The following VAV3 variants were observed in gnomAD, a reference collection of about 807,000 sequenced individuals.
VAV3 encodes guanine nucleotide exchange factor VAV3.
VAV3 carries 94 observed loss-of-function variants against 131.2 expected under a neutral mutation model. The observed-to-expected ratio is 0.72, with a 90% CI of 0.61 to 0.85. VAV3 has a LOEUF of 0.85. VAV3 is among the 40% of genes least tolerant of loss of function. VAV3 has a pLI of 0.00. For missense variants in VAV3, 939 were observed against 1,002.7 expected (o/e 0.94, Z 0.86); for synonymous variants, 349 against 342.0 (o/e 1.02, Z -0.22).
intron 1 of VAV3, among the ~76,000 whole-genome samples, chr1:107,938,761 C>T (rs979077218): frequency 2.0e-5 from 3 of 152,166 alleles, no homozygotes; most frequent in African/African-American, 7.2e-5. Flanking sequence ...ATTTAATGAG[C>T]ACTTACAGAA....
intron 1 of VAV3, among the ~76,000 whole-genome samples, chr1:107,937,577 T>G (rs1226185971): frequency 6.6e-6 from 1 of 152,234 alleles, no homozygotes; most frequent in Non-Finnish European, 1.5e-5. Flanking sequence ...AGGGAATACC[T>G]ATAACTGCTT....
In VAV3 at chr1:107,847,517, C is replaced by T. The variant is rs545532977; in HGVS notation, c.321+27384G>A. 6.9e-4 allele frequency among the ~76,000 whole-genome samples: 104 copies of T among 151,526 alleles called. 1 individual carries two copies. The highest frequency in any genetic ancestry group is 2.5e-3 in the African/African-American group (102 of 41,364). ...TTTTGAAAAGATTAACAAAATAGAC[C>T]GCTAGCCACACTAATAAAGATGAAA... On this transcript the variant is annotated intron_variant, in intron 2 of 26. Coordinates refer to ENST00000370056, the MANE Select transcript of VAV3 (RefSeq NM_006113.5).
chr1:107,641,615 AC>A (rs1655345943), intron 20 of VAV3, among the ~76,000 whole-genome samples: 4 of 152,298 alleles, frequency 2.6e-5, no homozygotes, highest in Admixed American at 2.6e-4. Context: ...ATGCTCACTT[AC>A]TTTTCACATT....
intron 19 of VAV3, among the ~76,000 whole-genome samples, chr1:107,659,969 C>T (rs928846498): frequency 1.1e-4 from 17 of 152,178 alleles, no homozygotes; most frequent in Non-Finnish European, 2.1e-4. Flanking sequence ...TTATACTTCC[C>T]TTTCCCCCAC....
At chr1:107,608,520 C>T (rs1310977321) in intron 22 of VAV3, among the ~76,000 whole-genome samples, 1 of 152,180 alleles carries the variant, frequency 6.6e-6, no homozygotes, top group East Asian at 1.9e-4. Flanking sequence ...TTCAAATTGT[C>T]TTCAATCAGG....
chr1:107,582,314 C>T (rs985705242), intron 25 of VAV3, among the ~76,000 whole-genome samples: 1 of 152,146 alleles, frequency 6.6e-6, no homozygotes, highest in African/African-American at 2.4e-5. Flanking sequence ...GTTTTAGATG[C>T]CCTGCAAAAT....
intron 1 of VAV3, among the ~76,000 whole-genome samples, chr1:107,901,745 C>T (rs1671862771): frequency 6.6e-6 from 1 of 152,110 alleles, no homozygotes; most frequent in African/African-American, 2.4e-5. Context: ...GAGATAACTA[C>T]TTAAAAACAA....
intron 1 of VAV3, among the ~76,000 whole-genome samples, chr1:107,914,584 G>C (rs1388234043): frequency 2.0e-5 from 3 of 152,230 alleles, no homozygotes; most frequent in Non-Finnish European, 4.4e-5. Flanking sequence ...CAAACGGGAA[G>C]TATCTCTGTT....
At chr1:107,860,469 T>C (rs149509153) in intron 2 of VAV3, among the ~76,000 whole-genome samples, 2 of 150,192 alleles carry the variant, frequency 1.3e-5, no homozygotes, top group East Asian at 3.9e-4. Context: ...AGCTAGTTCA[T>C]GAACTCATTT....
rs553917502 is a variant in VAV3 at position 107,881,589 on chromosome 1, C to T, written c.205-6572G>A. 1.1e-4 allele frequency among the ~76,000 whole-genome samples: 17 copies of T among 152,272 alleles called. No individual in the cohort carries two copies. In the East Asian group the frequency reaches 3.3e-3, roughly 29 times the overall value. On this transcript the variant is annotated intron_variant, in intron 1 of 26. Transcript: ENST00000370056. ...AAGCCATGTGTCTTCAACAACCATGCGTAGCCTCTCTCCCTCTTCAGAAGG... is the reference window on the plus strand; with the variant it reads ...AAGCCATGTGTCTTCAACAACCATGTGTAGCCTCTCTCCCTCTTCAGAAGG...
At chr1:107,911,043 A>G (rs771734383) in intron 1 of VAV3, among the ~76,000 whole-genome samples, 6 of 152,116 alleles carry the variant, frequency 3.9e-5, no homozygotes, top group Non-Finnish European at 7.4e-5. Context: ...ATCTCTCTCT[A>G]TTCAACACCA....
At chr1:107,600,277 G>C (rs1651740708) in intron 24 of VAV3, among the ~76,000 whole-genome samples, 1 of 152,096 alleles carries the variant, frequency 6.6e-6, no homozygotes, top group Admixed American at 6.5e-5. Flanking sequence ...TGCCTCTTCA[G>C]CAATTTTTAT....
At chr1:107,799,584 A>G (rs1039026717) in intron 2 of VAV3, among the ~76,000 whole-genome samples, 8 of 152,150 alleles carry the variant, frequency 5.3e-5, no homozygotes, top group African/African-American at 1.9e-4. Context: ...CTAGATGTAC[A>G]TATTTCCAGA....
intron 22 of VAV3, among the ~76,000 whole-genome samples, chr1:107,604,299 G>C (rs533465245): frequency 6.6e-6 from 1 of 151,946 alleles, no homozygotes; most frequent in East Asian, 1.9e-4. Flanking sequence ...CACATGACAG[G>C]CATTCAGCAA....
At chr1:107,577,923 G>C (rs573587185) in intron 25 of VAV3, among the ~76,000 whole-genome samples, 2 of 152,328 alleles carry the variant, frequency 1.3e-5, no homozygotes, top group African/African-American at 4.8e-5. Context: ...AGCCAAGCAT[G>C]AGGTAAAAGT....
At chr1:107,859,144 T>C (rs1669619954) in intron 2 of VAV3, among the ~76,000 whole-genome samples, 2 of 150,720 alleles carry the variant, frequency 1.3e-5, no homozygotes, top group African/African-American at 4.9e-5. Context: ...TGGAGTAGAG[T>C]GGCACCATCA....
intron 2 of VAV3, among the ~76,000 whole-genome samples, chr1:107,829,598 T>G (rs1312356254): frequency 6.6e-6 from 1 of 152,100 alleles, no homozygotes; most frequent in African/African-American, 2.4e-5. Context: ...ACCACAGTAT[T>G]TTTTTTCTCA....
rs796377286 is a variant in VAV3 at position 107,753,543 on chromosome 1, T to C, written c.1173+1884A>G. ...ATATATATACGTATATATATATATATATATATACACACACACACTTTTTTT... is the reference window on the plus strand; with the variant it reads ...ATATATATACGTATATATATATATACATATATACACACACACACTTTTTTT... On this transcript the variant is annotated intron_variant, in intron 12 of 26. Coordinates refer to ENST00000370056, the MANE Select transcript of VAV3 (RefSeq NM_006113.5). 4.4e-4 allele frequency among the ~76,000 whole-genome samples: 31 copies of C among 71,138 alleles called. No homozygotes were observed. The East Asian group carries it at 7.5e-3, about 17-fold the overall frequency. 46.7% of individuals were successfully genotyped at this position (71,138 alleles called of 152,430 possible).
At chr1:107,785,438 C>T (rs896316955) in intron 2 of VAV3, 1 of 1,331,486 alleles carries the variant, frequency 7.5e-7, no homozygotes, top group Non-Finnish European at 9.9e-7. Flanking sequence ...AAAAGGAATT[C>T]CGAGGGAAAG....
Sources: allele counts gnomAD v4.1 joint callset (sites outside exome capture counted in the v4.1 genomes callset), GRCh38; gene constraint gnomAD v4.1.1; transcripts MANE v1.5; gene names NCBI Gene and HGNC (gene_info 2026-07-23, HGNC 2026-07-21).